Variants in PRTG observed in about 807,000 individuals in gnomAD.
The protein encoded by PRTG is protogenin.
PRTG carries 67 observed loss-of-function variants against 122.5 expected under a neutral mutation model. The ratio of observed to expected loss-of-function variants is 0.55; its 90% CI spans 0.45 to 0.67. The LOEUF is 0.67. Among genes scored for constraint, PRTG ranks in the 30% least tolerant of loss-of-function variants. PRTG has a pLI of 0.00. For missense variants in PRTG, 1,435 were observed against 1,415.4 expected (o/e 1.01, Z -0.22); for synonymous variants, 554 against 501.1 (o/e 1.11, Z -1.41).
chr15:55,667,158 A>T (rs188729565), intron 11 of PRTG, among the ~76,000 whole-genome samples: 5 of 152,032 alleles, frequency 3.3e-5, no homozygotes, highest in Non-Finnish European at 7.4e-5. Flanking sequence ...AGAACACCCA[A>T]AGTATTTTAC....
intron 2 of PRTG, among the ~76,000 whole-genome samples, chr15:55,730,186 C>T (rs1486552602): frequency 6.6e-6 from 1 of 152,102 alleles, no homozygotes; most frequent in Admixed American, 6.5e-5. Context: ...ACTGCAGCCT[C>T]CGCCTCCCAG....
intron 11 of PRTG, among the ~76,000 whole-genome samples, chr15:55,653,364 C>G (rs898549038): frequency 6.6e-6 from 1 of 152,192 alleles, no homozygotes; most frequent in Non-Finnish European, 1.5e-5. Context: ...AACATCCCCT[C>G]TCCTACTGAG....
At chr15:55,705,015 T>C (rs891993530) in intron 2 of PRTG, among the ~76,000 whole-genome samples, 1 of 152,174 alleles carries the variant, frequency 6.6e-6, no homozygotes, top group Non-Finnish European at 1.5e-5. Context: ...CTACTATATA[T>C]CATATGTACA....
chr15:55,740,775 A>G (rs1375826965), intron 1 of PRTG, 91 bp from the exon 2 acceptor site: 3 of 1,118,846 alleles, frequency 2.7e-6, no homozygotes, highest in African/African-American at 1.6e-5. Context: ...TATTCAGGGT[A>G]TGAGATGACG....
At chr15:55,644,578 C>T (rs1022076792) in intron 11 of PRTG, among the ~76,000 whole-genome samples, 14 of 152,028 alleles carry the variant, frequency 9.2e-5, no homozygotes, top group Admixed American at 7.9e-4. Context: ...ATCAGAGAAC[C>T]GAGTTGCTCC....
In PRTG at chr15:55,740,471, C is replaced by A; in HGVS notation, c.308G>T (p.Gly103Val). Residue 103 changes from glycine (G) to valine (V), a missense_variant, in exon 2 of 20, where the codon GGA (glycine) becomes GTA (valine). Physicochemically the swap from Gly to Val is moderately radical, Grantham distance 109. Transcript: ENST00000389286. The stretch of plus-strand genomic sequence containing the variant: ...ATAAAATCCTTCATCGGACTGCTCT[C>A]CTCGCCTGCCTTCCACCTCACTGAT... ...LYISEVEGRR[G>V]EQSDEGFYQC... The A allele has an allele frequency of 5.6e-6, 9 of 1,614,184 alleles. No homozygotes were observed. Among genetic ancestry groups the A allele is most frequent in the Non-Finnish European group, 6.8e-6 (8 of 1,180,024 alleles).
chr15:55,700,561 C>G (rs535167045), intron 2 of PRTG, among the ~76,000 whole-genome samples: 11 of 152,134 alleles, frequency 7.2e-5, no homozygotes, highest in African/African-American at 2.6e-4. Flanking sequence ...GTGGGAGGAT[C>G]ACTTGAACCT....
chr15:55,684,467 G>A (rs2059559313), intron 2 of PRTG, among the ~76,000 whole-genome samples: 1 of 152,190 alleles, frequency 6.6e-6, no homozygotes, highest in African/African-American at 2.4e-5. Context: ...GCATTCATAG[G>A]ATTGTGAGGA....
At chr15:55,626,813 A>G (rs151185472) in intron 17 of PRTG, among the ~76,000 whole-genome samples, 195 bp downstream of exon 17, 94 of 152,304 alleles carry the variant, frequency 6.2e-4, no homozygotes, top group African/African-American at 2.1e-3. Context: ...TAATGTTTTC[A>G]AACAGCAAGA....
intron 11 of PRTG, among the ~76,000 whole-genome samples, chr15:55,647,216 GTTGCATGAGCCGAGATCACGCCA>G (rs1555430679): frequency 6.6e-6 from 1 of 152,060 alleles, no homozygotes; most frequent in Non-Finnish European, 1.5e-5. Context: ...GGAGGCAGCT[GTTGCATGAGCCGAGATCACGCCA>G]TTGCACTCCA....
chr15:55,679,151 T>C (rs1431061656), intron 7 of PRTG, 135 bp downstream of exon 7: 1 of 596,700 alleles, frequency 1.7e-6, no homozygotes, highest in Non-Finnish European at 2.9e-6. Context: ...TAAGTCTTAA[T>C]TTCTTAGTTT....
chr15:55,721,062 G>A (rs2030803687), intron 2 of PRTG, among the ~76,000 whole-genome samples: 1 of 152,050 alleles, frequency 6.6e-6, no homozygotes, highest in South Asian at 2.1e-4. Flanking sequence ...TATTTCAGTT[G>A]GTGGCACCAC....
chr15:55,665,807 G>A (rs146713580), intron 11 of PRTG, among the ~76,000 whole-genome samples: 11 of 152,072 alleles, frequency 7.2e-5, no homozygotes, highest in African/African-American at 2.4e-4. Context: ...CACCCACATC[G>A]GCCTCCCAGA....
At position 55,684,068 on chromosome 15, in the gene PRTG, T is replaced by C. The variant is rs922004500; in HGVS notation, c.398-137A>G. ...CAACCTAACTTAACCAGCATGAAGA[T>C]AATTTAGTGAATAATTTTGGAGAAA... On this transcript the variant is annotated intron_variant, in intron 2 of 19. Coordinates refer to ENST00000389286, the MANE Select transcript of PRTG (RefSeq NM_173814.6). 31 of 586,274 alleles carry C rather than the reference T, an allele frequency of 5.3e-5. No homozygotes were observed. In the Admixed American group the frequency reaches 5.4e-4, roughly 10 times the overall value. 36.3% of individuals were successfully genotyped at this position (586,274 alleles called of 1,614,324 possible).
intron 2 of PRTG, among the ~76,000 whole-genome samples, chr15:55,732,827 T>C (rs1381338124): frequency 1.6e-4 from 25 of 152,124 alleles, no homozygotes; most frequent in Admixed American, 1.6e-3. Flanking sequence ...CAATGTATTA[T>C]GTGTGTGAAA....
chr15:55,665,060 C>A (rs1213015414), intron 11 of PRTG, among the ~76,000 whole-genome samples: 2 of 151,850 alleles, frequency 1.3e-5, no homozygotes. Flanking sequence ...AGATCGAGAC[C>A]ATCCTGGCTA....
intron 2 of PRTG, among the ~76,000 whole-genome samples, chr15:55,726,641 C>CA (rs201283767): frequency 0.12 from 11,139 of 93,666 alleles, 516 homozygotes; most frequent in Non-Finnish European, 0.16. Flanking sequence ...ATCTTCGTCT[C>CA]AAAAAAAAAA....
intron 12 of PRTG, 84 bp downstream of exon 12, chr15:55,641,029 G>C: frequency 2.2e-6 from 2 of 914,540 alleles, no homozygotes; most frequent in South Asian, 1.4e-5. Context: ...CTTCCAAGTA[G>C]TAGTGAGACT....
intron 2 of PRTG, among the ~76,000 whole-genome samples, chr15:55,691,928 T>C (rs1264418078): frequency 6.6e-6 from 1 of 151,954 alleles, no homozygotes; most frequent in Admixed American, 6.6e-5. Context: ...TCCCAGCTAC[T>C]CAGGCAGCTG....
Sources: gnomAD v4.1 joint callset for allele counts (sites outside exome capture counted in the v4.1 genomes callset) on GRCh38, gnomAD v4.1.1 for gene constraint, MANE v1.5 for transcripts, NCBI Gene and HGNC (gene_info 2026-07-23, HGNC 2026-07-21) for gene names.